SIPA1L3: variants seen among roughly 807,000 people sequenced by gnomAD.
The protein encoded by SIPA1L3 is signal induced proliferation associated 1 like 3, also known as signal-induced proliferation-associated 1-like protein 3.
A neutral mutation model predicts 150.1 loss-of-function variants in SIPA1L3; 59 were observed. The observed-to-expected ratio is 0.39, with a 90% CI of 0.32 to 0.49. The LOEUF is 0.49. SIPA1L3 is among the 20% of genes least tolerant of loss of function. The probability of loss-of-function intolerance (pLI) is 0.86; values close to 1 mark genes in which losing one functional copy is unlikely to be tolerated. For synonymous variants in SIPA1L3, 1,070 were observed against 1,077.6 expected, an observed-to-expected ratio of 0.99 and a Z score of 0.14; for missense variants, 2,211 against 2,489.5, an observed-to-expected ratio of 0.89 and a Z score of 2.38.
At chr19:38,005,178 A>G (rs1293674639) in intron 1 of SIPA1L3, among the ~76,000 whole-genome samples, 2 of 150,906 alleles carry the variant, frequency 1.3e-5, no homozygotes, top group African/African-American at 4.9e-5. Context: ...TAACATCTTC[A>G]TAGGACCTCT....
At chr19:37,950,702 C>T (rs1046291593) in intron 1 of SIPA1L3, among the ~76,000 whole-genome samples, 11 of 152,202 alleles carry the variant, frequency 7.2e-5, no homozygotes, top group Non-Finnish European at 1.0e-4. Context: ...TCCCCACAAG[C>T]CCGTCTGCTG....
intron 1 of SIPA1L3, among the ~76,000 whole-genome samples, chr19:37,973,102 G>T (rs1054676891): frequency 2.0e-5 from 3 of 151,962 alleles, no homozygotes; most frequent in African/African-American, 7.3e-5. Flanking sequence ...GGGACAAGAA[G>T]TCAATACTGT....
intron 1 of SIPA1L3, among the ~76,000 whole-genome samples, chr19:37,980,043 G>A (rs1435303324): frequency 6.6e-6 from 1 of 152,224 alleles, no homozygotes; most frequent in Non-Finnish European, 1.5e-5. Context: ...ACAGTATCGG[G>A]CAGTCCTGTG....
At chr19:38,124,006 G>GA (rs1971103838) in intron 9 of SIPA1L3, among the ~76,000 whole-genome samples, 1 of 150,860 alleles carries the variant, frequency 6.6e-6, no homozygotes, top group African/African-American at 2.4e-5. Flanking sequence ...GGACGGGGCG[G>GA]ATGGCCGGGC....
rs2146084153 is a variant in SIPA1L3 at position 38,207,523 on chromosome 19, C to T, written c.*1283C>T. On this transcript the variant is annotated 3_prime_UTR_variant, in exon 22 of 22. Transcript: ENST00000222345. ...GTCTGTGGATTCATCCCCCCAACCT[C>T]AAGCTGAGGACCAAGGCGTGTCCCC... 6.6e-6 allele frequency: 1 copy of T among 151,938 alleles called. No individual in the cohort carries two copies. Among genetic ancestry groups the T allele is most frequent in the South Asian group, 2.1e-4 (1 of 4,808 alleles). The allele number at this position is 151,938 out of a possible 1,614,324, so 9.4% of individuals were successfully genotyped here.
At chr19:38,079,513 A>G (rs1181330987) in intron 2 of SIPA1L3, among the ~76,000 whole-genome samples, 3 of 151,634 alleles carry the variant, frequency 2.0e-5, no homozygotes, top group African/African-American at 4.8e-5. Flanking sequence ...CTCTGTCTCT[A>G]TAGGGTGATT....
intron 5 of SIPA1L3, 61 bp downstream of exon 5, chr19:38,100,211 G>A: frequency 7.7e-7 from 1 of 1,303,298 alleles, no homozygotes; most frequent in South Asian, 1.7e-5. Flanking sequence ...CCCACTCCTG[G>A]TAGCTTTTTC....
rs181383697 is a variant in SIPA1L3 at position 37,999,245 on chromosome 19, A to G, written c.-378-29844A>G. Among the ~76,000 whole-genome samples the G allele has an allele frequency of 1.5e-3, 221 of 152,122 alleles. 3 individuals are homozygous for G. The highest frequency in any genetic ancestry group is 5.1e-3 in the African/African-American group (210 of 41,488). On this transcript the variant is annotated intron_variant, in intron 1 of 21. Transcript: ENST00000222345. ...TCTCTTTCCTGCTGAGGAGGAGGAG[A>G]CCAAACCCCCCAGTGACTGACTCCT... is the stretch of plus-strand genomic sequence containing the variant.
chr19:37,922,298 G>A (rs561042554), intron 1 of SIPA1L3, among the ~76,000 whole-genome samples: 14 of 151,914 alleles, frequency 9.2e-5, no homozygotes, highest in Non-Finnish European at 1.9e-4. Context: ...ATGTTAACAA[G>A]GCTGGTCTTG....
chr19:38,057,349 TAC>T (rs1452517593), intron 2 of SIPA1L3, among the ~76,000 whole-genome samples: 3 of 150,732 alleles, frequency 2.0e-5, no homozygotes, highest in Admixed American at 2.0e-4. Context: ...CGTATATATA[TAC>T]GTATATATAT....
intron 16 of SIPA1L3, among the ~76,000 whole-genome samples, chr19:38,183,897 A>G (rs984040114): frequency 6.6e-6 from 1 of 152,154 alleles, no homozygotes; most frequent in Non-Finnish European, 1.5e-5. Context: ...AGAACCGACT[A>G]TATAGGGTTA....
intron 12 of SIPA1L3, among the ~76,000 whole-genome samples, chr19:38,151,001 G>C (rs907092162): frequency 6.6e-6 from 1 of 152,194 alleles, no homozygotes; most frequent in African/African-American, 2.4e-5. Flanking sequence ...GTTCCAGGGA[G>C]GGTGAACCCA....
At chr19:38,005,300 G>A (rs144947835) in intron 1 of SIPA1L3, among the ~76,000 whole-genome samples, 82 of 152,264 alleles carry the variant, frequency 5.4e-4, no homozygotes, top group African/African-American at 1.8e-3. Flanking sequence ...CAGCTCTTCA[G>A]TGTGGCCCCC....
rs567512738 is a variant in SIPA1L3, at chr19:37,943,582, C to G, written c.-379+36224C>G. ...ACTTTCGATTGCTGACCACTTTACA[C>G]GAGGCCCAGATAAGGTGTGCATCTA... On this transcript the variant is annotated intron_variant, in intron 1 of 21. Coordinates refer to ENST00000222345, the MANE Select transcript of SIPA1L3 (RefSeq NM_015073.3). Among the ~76,000 whole-genome samples, 32 of 152,286 alleles carry G rather than the reference C, an allele frequency of 2.1e-4. No individual in the cohort carries two copies. The East Asian group carries it at 5.4e-3, about 26-fold the overall frequency.
At chr19:38,042,724 CAAAAT>C (rs1309717665) in intron 2 of SIPA1L3, among the ~76,000 whole-genome samples, 1 of 152,124 alleles carries the variant, frequency 6.6e-6, no homozygotes, top group Non-Finnish European at 1.5e-5. Context: ...ATCTTTTATC[CAAAAT>C]AAATGAAGTT....
chr19:38,138,420 C>T (rs999708010), intron 10 of SIPA1L3, among the ~76,000 whole-genome samples: 8 of 152,108 alleles, frequency 5.3e-5, no homozygotes, highest in African/African-American at 1.7e-4. Context: ...AACATGGCGC[C>T]GCAAAAGAGA....
At chr19:38,199,712 G>A (rs1236666720) in intron 19 of SIPA1L3, 1 of 152,214 alleles carries the variant, frequency 6.6e-6, no homozygotes, top group Non-Finnish European at 1.5e-5. Context: ...GTGCAGGTCA[G>A]GGTGGTTTCA....
intron 9 of SIPA1L3, among the ~76,000 whole-genome samples, chr19:38,121,239 C>G (rs1052869173): frequency 2.0e-5 from 3 of 152,104 alleles, no homozygotes; most frequent in African/African-American, 7.2e-5. Context: ...GAGATCAAGA[C>G]CATCCTGGCT....
intron 1 of SIPA1L3, among the ~76,000 whole-genome samples, chr19:37,951,754 G>A (rs1003273902): frequency 6.6e-5 from 10 of 151,970 alleles, no homozygotes; most frequent in African/African-American, 2.4e-4. Context: ...AAAATTAGCC[G>A]GGCATGGTGG....
Sources: gnomAD v4.1 joint callset for allele counts (sites outside exome capture counted in the v4.1 genomes callset) on GRCh38, gnomAD v4.1.1 for gene constraint, MANE v1.5 for transcripts, NCBI Gene and HGNC (gene_info 2026-07-23, HGNC 2026-07-21) for gene names.